The following ATL1 variants were observed in gnomAD, a reference collection of about 807,000 sequenced individuals.
The protein encoded by ATL1 is atlastin-1.
Under a neutral mutation model 75.5 loss-of-function variants are expected in ATL1, and 31 were observed. The observed-to-expected ratio is 0.41, with a 90% CI of 0.31 to 0.55. The LOEUF is 0.55. Ranked by LOEUF, ATL1 falls within the 20% of genes least tolerant of loss-of-function variation. The pLI, the probability that ATL1 is intolerant of heterozygous loss-of-function variation, is 0.27. For missense variants in ATL1, 405 were observed against 662.6 expected (o/e 0.61, Z 4.27); for synonymous variants, 226 against 233.3 (o/e 0.97, Z 0.28).
At chr14:50,535,773 G>T (rs2038483469) in intron 1 of ATL1, among the ~76,000 whole-genome samples, 1 of 152,162 alleles carries the variant, frequency 6.6e-6, no homozygotes, top group South Asian at 2.1e-4. Context: ...CTTTCATCCA[G>T]TTTGAATTGA....
chr14:50,538,740 G>T (rs2038524521), intron 1 of ATL1, among the ~76,000 whole-genome samples: 2 of 152,142 alleles, frequency 1.3e-5, no homozygotes, highest in Non-Finnish European at 1.5e-5. Context: ...GATAATAATG[G>T]CTTTCCACTG....
intron 11 of ATL1, among the ~76,000 whole-genome samples, chr14:50,623,507 G>T (rs962590957): frequency 3.3e-5 from 5 of 151,202 alleles, no homozygotes; most frequent in African/African-American, 4.9e-5. Flanking sequence ...GGAGCGCCAG[G>T]TCTTTCCACT....
chr14:50,595,461 C>G, intron 5 of ATL1, 115 bp from the exon 6 acceptor site: 1 of 920,564 alleles, frequency 1.1e-6, no homozygotes, highest in Non-Finnish European at 1.7e-6. Flanking sequence ...TCTGTTATAC[C>G]TAGAGGGAAA....
chr14:50,622,776 C>T (rs1386047312), intron 10 of ATL1, among the ~76,000 whole-genome samples: 2 of 152,066 alleles, frequency 1.3e-5, no homozygotes, highest in African/African-American at 4.8e-5. Flanking sequence ...TTTTTGTTAT[C>T]AGTGATACAC....
chr14:50,542,893 C>A (rs1020013065), intron 1 of ATL1, among the ~76,000 whole-genome samples: 1 of 152,180 alleles, frequency 6.6e-6, no homozygotes, highest in African/African-American at 2.4e-5. Context: ...AAGAGCTGAT[C>A]TGAGGTATGG....
At chr14:50,557,814 C>A (rs1359736550), upstream of ATL1, among the ~76,000 whole-genome samples, 1 of 152,174 alleles carries the variant, frequency 6.6e-6, no homozygotes, top group Non-Finnish European at 1.5e-5. Flanking sequence ...TTTCTAAACA[C>A]CTTTTCTCGT....
chr14:50,576,732 T>C (rs1423363952), intron 1 of ATL1, among the ~76,000 whole-genome samples: 1 of 152,070 alleles, frequency 6.6e-6, no homozygotes, highest in Non-Finnish European at 1.5e-5. Context: ...TGTGCCTCCA[T>C]GTTTGGCTAA....
At chr14:50,593,957 C>A in intron 5 of ATL1, 61 bp downstream of exon 5, 4 of 1,231,508 alleles carry the variant, frequency 3.2e-6, no homozygotes, top group Non-Finnish European at 4.8e-6. Flanking sequence ...TATAGCAGAA[C>A]TTTGGGGAAT....
intron 1 of ATL1, among the ~76,000 whole-genome samples, chr14:50,573,141 T>C (rs2038969807): frequency 1.3e-5 from 2 of 152,272 alleles, no homozygotes; most frequent in South Asian, 4.2e-4. Flanking sequence ...GAAATTACAA[T>C]TCGGATTACA....
At chr14:50,562,113 G>A (rs1595581362) in intron 1 of ATL1, among the ~76,000 whole-genome samples, 1 of 151,388 alleles carries the variant, frequency 6.6e-6, no homozygotes, top group Non-Finnish European at 1.5e-5. Flanking sequence ...GGTGCCTTCT[G>A]GGCTCACTGC....
chr14:50,546,814 A>G (rs1405403471), intron 1 of ATL1, among the ~76,000 whole-genome samples: 1 of 135,308 alleles, frequency 7.4e-6, no homozygotes, highest in Admixed American at 8.1e-5. Flanking sequence ...CTGAATTATC[A>G]GCAAAATGCC....
rs183817549 is a variant in ATL1, at chr14:50,632,789, A to G, written c.*450A>G. The stretch of plus-strand genomic sequence containing the variant: ...GGCTGGATTTAATCTGTATCATCTT[A>G]TATATATCACAATCTTATTTTTAAG... On this transcript the variant is annotated 3_prime_UTR_variant, in exon 14 of 14. Coordinates refer to ENST00000358385, the MANE Select transcript of ATL1 (RefSeq NM_015915.5). 107 of 164,154 alleles carry G rather than the reference A, an allele frequency of 6.5e-4. No individual in the cohort carries two copies. The highest frequency in any genetic ancestry group is 8.0e-4 in the Non-Finnish European group (60 of 74,976). 10.2% of individuals were successfully genotyped at this position (164,154 alleles called of 1,614,324 possible).
At chr14:50,579,120 T>G (rs2039033538) in intron 1 of ATL1, among the ~76,000 whole-genome samples, 2 of 152,192 alleles carry the variant, frequency 1.3e-5, no homozygotes, top group South Asian at 4.1e-4. Flanking sequence ...TTTTGTCCAC[T>G]TCTCCTCCAC....
At chr14:50,548,015 C>G (rs1014352296) in intron 1 of ATL1, among the ~76,000 whole-genome samples, 3 of 152,174 alleles carry the variant, frequency 2.0e-5, no homozygotes, top group Non-Finnish European at 4.4e-5. Flanking sequence ...CTCAGAGTCT[C>G]TTGCAGATGT....
chr14:50,616,255 TC>T (rs769995812), intron 8 of ATL1, among the ~76,000 whole-genome samples: 148 of 152,148 alleles, frequency 9.7e-4, no homozygotes, highest in Admixed American at 3.4e-3. Flanking sequence ...TATCTTGACC[TC>T]CCAAAGTGCT....
upstream of ATL1, among the ~76,000 whole-genome samples, chr14:50,557,210 G>A (rs2038775270): frequency 6.6e-6 from 1 of 152,196 alleles, no homozygotes; most frequent in African/African-American, 2.4e-5. Context: ...TCTGGAGAAT[G>A]TGAAACATTA....
intron 1 of ATL1, among the ~76,000 whole-genome samples, chr14:50,547,030 G>T (rs1217069441): frequency 1.3e-5 from 2 of 152,066 alleles, no homozygotes; most frequent in Non-Finnish European, 2.9e-5. Flanking sequence ...TCACTCATAA[G>T]TGGGAGTTGA....
At position 50,581,762 on chromosome 14, in the gene ATL1, A is replaced by G. The variant is rs1327314249; in HGVS notation, c.35-6069A>G. ...ACCTAGGCTATTTGGTAAATGTTCC[A>G]TATGAACTTAAAAAGAATGTGTGGT... On this transcript the variant is annotated intron_variant, in intron 1 of 13. Coordinates refer to ENST00000358385, the MANE Select transcript of ATL1 (RefSeq NM_015915.5). Among the ~76,000 whole-genome samples, 3 of 152,158 alleles carry G rather than the reference A, an allele frequency of 2.0e-5. No homozygotes were observed. In the East Asian group the frequency reaches 5.8e-4, roughly 29 times the overall value.
chr14:50,598,364 AT>A (rs537118812), intron 6 of ATL1, among the ~76,000 whole-genome samples: 1 of 150,398 alleles, frequency 6.6e-6, no homozygotes. Context: ...TTTTATTTTT[AT>A]TTTTTTTTGA....
Sources: allele counts gnomAD v4.1 joint callset (sites outside exome capture counted in the v4.1 genomes callset), GRCh38; gene constraint gnomAD v4.1.1; transcripts MANE v1.5; gene names NCBI Gene and HGNC (gene_info 2026-07-23, HGNC 2026-07-21).